Variants in TAF1 observed in about 807,000 individuals in gnomAD.
The protein encoded by TAF1 is TATA-box binding protein associated factor 1.
A neutral mutation model predicts 138.5 loss-of-function variants in TAF1; 2 were observed. That is an observed-to-expected ratio of 0.01 (90% confidence interval 0.01 to 0.05). The LOEUF (loss-of-function observed/expected upper bound fraction) is 0.05, where lower values mean the gene tolerates loss of function less well. Among genes scored for constraint, TAF1 ranks in the 10% least tolerant of loss-of-function variants. The probability of loss-of-function intolerance (pLI) is 1.00; values close to 1 mark genes in which losing one functional copy is unlikely to be tolerated. For synonymous variants in TAF1, 437 were observed against 503.2 expected (o/e 0.87, Z 1.76); for missense variants, 709 against 1,478.0 (o/e 0.48, Z 8.53).
intron 1 of TAF1, among the ~76,000 whole-genome samples, chrX:71,367,152 C>T (rs774197386): frequency 2.6e-4 from 29 of 112,581 alleles, no homozygotes; most frequent in African/African-American, 9.0e-4. Context: ...CGAACGAGCC[C>T]CGCCTCGACG....
intron 15 of TAF1, among the ~76,000 whole-genome samples, 158 bp downstream of exon 15, chrX:71,387,619 T>C (rs1915829971): frequency 9.0e-6 from 1 of 110,944 alleles, no homozygotes; most frequent in Non-Finnish European, 1.9e-5. Flanking sequence ...ACCATCATGG[T>C]GAAACCCTGT....
chrX:71,391,939 G>A (rs2034589638), intron 18 of TAF1, among the ~76,000 whole-genome samples: 1 of 110,784 alleles, frequency 9.0e-6, no homozygotes, highest in Non-Finnish European at 1.9e-5. Flanking sequence ...ATGTACTCCT[G>A]ACTGGTCTGT....
At chrX:71,384,554 C>T (rs1396320353) in intron 13 of TAF1, among the ~76,000 whole-genome samples, 2 of 110,504 alleles carry the variant, frequency 1.8e-5, no homozygotes, top group African/African-American at 3.3e-5. Context: ...GGACTACAGG[C>T]GTGTGCCACC....
chrX:71,382,804 A>G lies in TAF1; in HGVS notation c.1709A>G (p.Asn570Ser), dbSNP rs746549166. ...GTGAAAGATCCATGGAATCTCTCCA[A>G]TGATGAGTATTATTATCCCAAGCAA... ...PEVKDPWNLS[N>S]DEYYYPKQQG... The change falls in exon 11 of 38, where the codon AAT becomes AGT. Residue 570 changes from asparagine to serine, a missense_variant. This residue lies in a region of TAF1 where 201 missense variants were observed against 421.3 expected (regional missense o/e 0.48). Coordinates refer to ENST00000423759, the MANE Select transcript of TAF1 (RefSeq NM_004606.5). 19 of 1,209,194 alleles carry G rather than the reference A, an allele frequency of 1.6e-5. No individual in the cohort carries two copies. The highest frequency in any genetic ancestry group is 5.2e-5 in the African/African-American group (3 of 57,235).
intron 34 of TAF1, among the ~76,000 whole-genome samples, chrX:71,456,536 A>T: frequency 9.1e-6 from 1 of 109,988 alleles, no homozygotes; most frequent in Non-Finnish European, 1.9e-5. Context: ...CTCAAATGTT[A>T]TTAGAGTGTG....
intron 28 of TAF1, among the ~76,000 whole-genome samples, chrX:71,417,674 G>A (rs902745600): frequency 2.7e-5 from 3 of 111,384 alleles, no homozygotes; most frequent in African/African-American, 9.8e-5. Flanking sequence ...CCAGTAAGCA[G>A]ATACAGTTGT....
chrX:71,412,697 C>T (rs1467674189), intron 28 of TAF1, among the ~76,000 whole-genome samples: 1 of 111,435 alleles, frequency 9.0e-6, no homozygotes, highest in African/African-American at 3.3e-5. Context: ...AGGCGATTCT[C>T]CTGCCTCAGC....
At position 71,370,856 on chromosome X, in the gene TAF1, G is replaced by A. The variant is rs1055851016; in HGVS notation, c.352+2686G>A. ...AAAAAGTAACCCACGAAAAATAGAA[G>A]ATATAAGCCCTGCCTTTAAGGATAT... On this transcript the variant is annotated intron_variant, in intron 3 of 37. Transcript: ENST00000423759. Among the ~76,000 whole-genome samples, 21 of 111,945 alleles carry A rather than the reference G, an allele frequency of 1.9e-4. No individual in the cohort carries two copies. The Admixed American group carries it at 2.0e-3, about 11-fold the overall frequency.
chrX:71,425,331 C>T (rs2036543164), intron 32 of TAF1, among the ~76,000 whole-genome samples: 1 of 111,676 alleles, frequency 9.0e-6, no homozygotes, highest in Non-Finnish European at 1.9e-5. Context: ...CAGAAAGAGA[C>T]AATTAAAATG....
intron 28 of TAF1, 135 bp downstream of exon 28, chrX:71,408,286 G>A (rs1270786078): frequency 1.3e-6 from 1 of 748,554 alleles, no homozygotes; most frequent in African/African-American, 2.2e-5. Context: ...TGAAAATCAG[G>A]TAATGTACAT....
chrX:71,513,885 G>A (rs1329864714), intron 13 of TAF1, among the ~76,000 whole-genome samples: 1 of 110,901 alleles, frequency 9.0e-6, no homozygotes, highest in Admixed American at 9.7e-5. Context: ...TCAGCGCTCT[G>A]TGTCTAGCTA....
chrX:71,527,214 C>T (rs766483228), intron 13 of TAF1, among the ~76,000 whole-genome samples: 1 of 108,070 alleles, frequency 9.3e-6, no homozygotes, highest in Non-Finnish European at 1.9e-5. Context: ...AGCGAAACCC[C>T]GTCTCTACTA....
At chrX:71,461,166 T>A (rs1202656334) in intron 37 of TAF1, among the ~76,000 whole-genome samples, 1 of 110,446 alleles carries the variant, frequency 9.1e-6, no homozygotes, top group Non-Finnish European at 1.9e-5. Flanking sequence ...AAAAGATTAA[T>A]AGGAGTTTAC....
At position 71,481,800 on chromosome X, in the gene TAF1, G is replaced by T. The variant is rs760712213; in HGVS notation, c.1366+20997G>T. On this transcript the variant is annotated intron_variant and NMD_transcript_variant, in intron 13 of 14. Transcript: ENST00000373775. ...TCTCGATCTCCTGACCCCATGATCC[G>T]CCTGCCTCGGCCTCCCAAAGTGCTG... is the stretch of plus-strand genomic sequence containing the variant. Among the ~76,000 whole-genome samples the T allele has an allele frequency of 3.6e-5, 4 of 111,655 alleles. No individual in the cohort carries two copies. The East Asian group carries it at 1.1e-3, about 32-fold the overall frequency.
rs1291558997 is a variant in TAF1, at chrX:71,527,333, G to GT, written c.1367-1208dup. ...CCTGAGAGGCGGAGGTTGCAGCAAG[G>GT]TGAGATCGTGCCACTGCACTCCAAC... is the stretch of plus-strand genomic sequence containing the variant. On this transcript the variant is annotated intron_variant and NMD_transcript_variant, in intron 13 of 14. Coordinates refer to the TAF1 transcript ENST00000373775. 4.8e-5 allele frequency among the ~76,000 whole-genome samples: 5 copies of GT among 103,744 alleles called. No homozygotes were observed. The East Asian group carries it at 1.5e-3, about 32-fold the overall frequency. The allele number at this position is 103,744 out of a possible 115,157, so 90.1% of individuals were successfully genotyped here.
chrX:71,403,456 T>A (rs1415548231), intron 25 of TAF1, among the ~76,000 whole-genome samples: 1 of 112,323 alleles, frequency 8.9e-6, no homozygotes, highest in Non-Finnish European at 1.9e-5. Context: ...TGGCAAGACA[T>A]TTAATGTCAT....
chrX:71,498,422 T>C (rs1768562557), intron 13 of TAF1, among the ~76,000 whole-genome samples: 1 of 111,969 alleles, frequency 8.9e-6, no homozygotes, highest in Non-Finnish European at 1.9e-5. Flanking sequence ...CTTGCACTAG[T>C]CTCTACTGAC....
At chrX:71,417,121 GT>G (rs889936283) in intron 28 of TAF1, among the ~76,000 whole-genome samples, 1 of 109,999 alleles carries the variant, frequency 9.1e-6, no homozygotes, top group Non-Finnish European at 1.9e-5. Context: ...TGAGGACCCT[GT>G]CCTCATGAAT....
intron 34 of TAF1, 30 bp downstream of exon 34, chrX:71,454,887 A>G: frequency 8.3e-7 from 1 of 1,204,219 alleles, no homozygotes; most frequent in Non-Finnish European, 1.1e-6. Flanking sequence ...ACTTCCTCAT[A>G]TAGTTTTCTT....
Sources: gnomAD v4.1 joint callset for allele counts (sites outside exome capture counted in the v4.1 genomes callset) on GRCh38, gnomAD v4.1.1 for gene constraint, gnomAD v4.1.1 regional missense constraint, MANE v1.5 for transcripts, NCBI Gene and HGNC (gene_info 2026-07-23, HGNC 2026-07-21) for gene names.